Variants in ZNF804B observed in about 807,000 individuals in gnomAD.
ZNF804B encodes the protein zinc finger 804B.
In ZNF804B, 80 loss-of-function variants were observed where a neutral mutation model predicts 101.4. The observed-to-expected ratio is 0.79, with a 90% CI of 0.66 to 0.95. ZNF804B has a LOEUF of 0.95. ZNF804B is among the 40% of genes least tolerant of loss of function. The pLI, the probability that ZNF804B is intolerant of heterozygous loss-of-function variation, is 0.00. For synonymous variants in ZNF804B, 622 were observed against 558.8 expected (o/e 1.11, Z -1.59); for missense variants, 1,673 against 1,561.9 (o/e 1.07, Z -1.20).
chr7:88,929,376 A>T (rs1270759553), intron 1 of ZNF804B, among the ~76,000 whole-genome samples: 1 of 151,972 alleles, frequency 6.6e-6, no homozygotes, highest in African/African-American at 2.4e-5. Context: ...GGGTTAAGAA[A>T]TGCCTGAAAC....
chr7:89,037,250 T>C (rs1788942288), intron 1 of ZNF804B, among the ~76,000 whole-genome samples: 1 of 152,076 alleles, frequency 6.6e-6, no homozygotes, highest in Admixed American at 6.6e-5. Context: ...TCAAATATAG[T>C]AATCATTTAG....
At chr7:88,930,231 T>C (rs1792862865) in intron 1 of ZNF804B, among the ~76,000 whole-genome samples, 1 of 151,968 alleles carries the variant, frequency 6.6e-6, no homozygotes, top group African/African-American at 2.4e-5. Flanking sequence ...CTTTAAAAAC[T>C]CAGCAGAAAG....
chr7:89,283,982 C>T (rs1790138581), intron 2 of ZNF804B, among the ~76,000 whole-genome samples: 1 of 152,126 alleles, frequency 6.6e-6, no homozygotes, highest in Non-Finnish European at 1.5e-5. Flanking sequence ...CAAGGAGATA[C>T]TTGTCTATTT....
chr7:89,112,387 A>G (rs1790232396), intron 1 of ZNF804B, among the ~76,000 whole-genome samples: 1 of 152,114 alleles, frequency 6.6e-6, no homozygotes, highest in Admixed American at 6.5e-5. Flanking sequence ...TCTTTTCCCC[A>G]CTGAATATCC....
chr7:88,774,147 T>C (rs1205820425), intron 1 of ZNF804B, among the ~76,000 whole-genome samples: 3 of 152,136 alleles, frequency 2.0e-5, no homozygotes, highest in South Asian at 2.1e-4. Context: ...TTTAGATCTA[T>C]ACAATTCTAA....
At chr7:89,331,294 G>A (rs1339998318) in intron 3 of ZNF804B, among the ~76,000 whole-genome samples, 1 of 151,592 alleles carries the variant, frequency 6.6e-6, no homozygotes, top group Admixed American at 6.6e-5. Flanking sequence ...CTATCTGCAG[G>A]CTGGAGGCAC....
intron 1 of ZNF804B, among the ~76,000 whole-genome samples, chr7:88,850,455 A>C (rs940432502): frequency 6.6e-6 from 1 of 152,128 alleles, no homozygotes; most frequent in African/African-American, 2.4e-5. Flanking sequence ...GTATATGTGA[A>C]AATCATCTGA....
chr7:89,058,508 A>C (rs1789329640), intron 1 of ZNF804B, among the ~76,000 whole-genome samples: 1 of 152,120 alleles, frequency 6.6e-6, no homozygotes, highest in African/African-American at 2.4e-5. Flanking sequence ...ATTCCTACTA[A>C]ACAAACACTC....
At chr7:89,310,131 T>C (rs1790629615) in intron 2 of ZNF804B, among the ~76,000 whole-genome samples, 1 of 151,718 alleles carries the variant, frequency 6.6e-6, no homozygotes, top group Non-Finnish European at 1.5e-5. Flanking sequence ...CCCTTCTTCC[T>C]GCCTTCATGG....
At chr7:89,018,326 A>G (rs902754664) in intron 1 of ZNF804B, among the ~76,000 whole-genome samples, 5 of 151,988 alleles carry the variant, frequency 3.3e-5, no homozygotes, top group African/African-American at 7.2e-5. Flanking sequence ...ATTGATTTGC[A>G]TATCTTGTAC....
chr7:88,801,289 G>A (rs1464719263), intron 1 of ZNF804B, among the ~76,000 whole-genome samples: 1 of 151,768 alleles, frequency 6.6e-6, no homozygotes, highest in Non-Finnish European at 1.5e-5. Flanking sequence ...AAGGTGAGTG[G>A]TGGGAGGAGA....
chr7:89,220,215 G>A (rs1219022961), intron 2 of ZNF804B, among the ~76,000 whole-genome samples: 3 of 143,752 alleles, frequency 2.1e-5, no homozygotes, highest in Non-Finnish European at 3.1e-5. Context: ...CCAGCCTGAC[G>A]AAGACACAGC....
intron 1 of ZNF804B, among the ~76,000 whole-genome samples, chr7:88,998,933 G>A (rs910949338): frequency 1.3e-5 from 2 of 151,994 alleles, no homozygotes; most frequent in East Asian, 3.9e-4. Flanking sequence ...CTAAGATTTT[G>A]TTAAGTGTGT....
intron 3 of ZNF804B, among the ~76,000 whole-genome samples, chr7:89,332,561 T>C (rs1791003016): frequency 6.6e-6 from 1 of 151,900 alleles, no homozygotes; most frequent in Non-Finnish European, 1.5e-5. Flanking sequence ...AGATAGACTG[T>C]TAAAGGGCAT....
chr7:89,072,010 G>A (rs1789550781), intron 1 of ZNF804B, among the ~76,000 whole-genome samples: 1 of 152,134 alleles, frequency 6.6e-6, no homozygotes, highest in Non-Finnish European at 1.5e-5. Flanking sequence ...GGAAAGAGAA[G>A]CTAACCTAAG....
At chr7:89,245,070 A>G (rs145139422) in intron 2 of ZNF804B, among the ~76,000 whole-genome samples, 121 of 152,318 alleles carry the variant, frequency 7.9e-4, no homozygotes, top group African/African-American at 2.8e-3. Context: ...TGCAACAGGA[A>G]TAAGGTGTGA....
At position 89,335,087 on chromosome 7, in the gene ZNF804B, A is replaced by C; in HGVS notation, c.2105A>C (p.Gln702Pro). The C allele has an allele frequency of 6.2e-7, 1 of 1,613,872 alleles. No individual in the cohort carries two copies. Among genetic ancestry groups the C allele is most frequent in the Non-Finnish European group, 8.5e-7 (1 of 1,179,918 alleles). The change falls in exon 4 of 4, where the codon CAG becomes CCG. Residue 702 changes from glutamine to proline, a missense_variant. Physicochemically the swap from Gln to Pro is moderately conservative, Grantham distance 76 (BLOSUM62 -1). Transcript: ENST00000333190. The stretch of plus-strand genomic sequence containing the variant: ...CAAAGATACAAGAGATACTCTCCAC[A>C]GTCATGTTTGAGTAGATATTCTTCC... ...GNQRYKRYSPQSCLSRYSSSL... is the reference protein window; with the variant it reads ...GNQRYKRYSPPSCLSRYSSSL...
At chr7:89,291,823 CA>C (rs1469034458) in intron 2 of ZNF804B, among the ~76,000 whole-genome samples, 4 of 151,996 alleles carry the variant, frequency 2.6e-5, no homozygotes, top group Non-Finnish European at 5.9e-5. Flanking sequence ...AAGACTATCT[CA>C]AGGCATTTAA....
intron 1 of ZNF804B, among the ~76,000 whole-genome samples, chr7:89,088,415 G>A (rs571303796): frequency 1.3e-5 from 2 of 151,846 alleles, no homozygotes; most frequent in African/African-American, 4.8e-5. Flanking sequence ...TCTATAACAA[G>A]TTATTGCTTA....
Sources: gnomAD v4.1 joint callset for allele counts (sites outside exome capture counted in the v4.1 genomes callset) on GRCh38, gnomAD v4.1.1 for gene constraint, MANE v1.5 for transcripts, NCBI Gene and HGNC (gene_info 2026-07-23, HGNC 2026-07-21) for gene names.